FAM83F: variants seen among roughly 807,000 people sequenced by gnomAD.
FAM83F encodes the protein protein FAM83F.
Under a neutral mutation model 42.9 loss-of-function variants are expected in FAM83F, and 45 were observed. The observed-to-expected ratio is 1.05, with a 90% CI of 0.83 to 1.35. The LOEUF (loss-of-function observed/expected upper bound fraction) is 1.35, where lower values mean the gene tolerates loss of function less well. Ranked by LOEUF, FAM83F falls within the 40% of genes most tolerant of loss-of-function variation. The pLI is 0.00. For missense variants in FAM83F, 617 were observed against 695.9 expected (o/e 0.89, Z 1.28); for synonymous variants, 306 against 298.3 (o/e 1.03, Z -0.27).
rs57224519 is a variant in FAM83F, at chr22:40,014,131, C to CTTTTTTTTT, written c.490-5028_490-5020dup. ...AATCCTTATGTCTCTTATTTCTTTT[C>CTTTTTTTTT]TTTTTTTTTTTTTTTTTGTCTTATT... On this transcript the variant is annotated intron_variant, in intron 1 of 4. Coordinates refer to ENST00000333407, the MANE Select transcript of FAM83F (RefSeq NM_138435.4). Among the ~76,000 whole-genome samples the CTTTTTTTTT allele has an allele frequency of 4.9e-3, 571 of 116,774 alleles. 1 individual carries two copies. The highest frequency in any genetic ancestry group is 7.8e-3 in the African/African-American group (234 of 29,954). The allele number at this position is 116,774 out of a possible 152,430, so 76.6% of individuals were successfully genotyped here.
intron 1 of FAM83F, among the ~76,000 whole-genome samples, chr22:40,017,391 C>G (rs1229989185): frequency 6.6e-6 from 1 of 152,122 alleles, no homozygotes; most frequent in Non-Finnish European, 1.5e-5. Flanking sequence ...CACCATCATG[C>G]CTGGCTAATG....
At chr22:40,027,256 C>T (rs1024669193) in intron 4 of FAM83F, among the ~76,000 whole-genome samples, 1 of 152,130 alleles carries the variant, frequency 6.6e-6, no homozygotes, top group Non-Finnish European at 1.5e-5. Flanking sequence ...ACAGGGAATG[C>T]GAAGCCCTGG....
intron 4 of FAM83F, among the ~76,000 whole-genome samples, chr22:40,022,320 T>A (rs1355947015): frequency 6.6e-6 from 1 of 152,220 alleles, no homozygotes; most frequent in East Asian, 1.9e-4. Context: ...GCTGAGAAAC[T>A]TTCTCCTTTG....
At chr22:39,996,301 A>C (rs776067248) in intron 1 of FAM83F, among the ~76,000 whole-genome samples, 25 of 152,180 alleles carry the variant, frequency 1.6e-4, no homozygotes, top group Non-Finnish European at 2.9e-5. Flanking sequence ...TTTAATCTTT[A>C]TGCCTTTGGG....
chr22:40,021,753 T>A lies in FAM83F; in HGVS notation c.1243T>A (p.Ser415Thr). Residue 415 changes from serine (S) to threonine (T), a missense_variant, in exon 4 of 5, where the codon TCC becomes ACC. Ser to Thr is a moderately conservative substitution (Grantham distance 58). Transcript: ENST00000333407. The surrounding 1 kb of genome is among the most constrained non-coding windows in gnomAD (Gnocchi z 8.7). ...SHMHRDLKPK[S>T]REAPSRNGMG... ...CATGCACAGAGACCTGAAGCCCAAATCCCGAGAGGCACCCAGCCGAAACGG... is the reference window on the plus strand; with the variant it reads ...CATGCACAGAGACCTGAAGCCCAAAACCCGAGAGGCACCCAGCCGAAACGG... 6.2e-7 allele frequency: 1 copy of A among 1,612,546 alleles called. No individual in the cohort carries two copies. The highest frequency in any genetic ancestry group is 1.3e-5 in the African/African-American group (1 of 74,932).
Position 40,034,418 on chromosome 22 carries a change from T to G in FAM83F, c.*4853T>G, listed in dbSNP as rs1475599409. 1 of 152,344 alleles carries G rather than the reference T, an allele frequency of 6.6e-6. No homozygotes were observed. The highest frequency in any genetic ancestry group is 1.5e-5 in the Non-Finnish European group (1 of 68,136). The allele number at this position is 152,344 out of a possible 1,614,324, so 9.4% of individuals were successfully genotyped here. On this transcript the variant is annotated 3_prime_UTR_variant, in exon 5 of 5. Coordinates refer to ENST00000333407, the MANE Select transcript of FAM83F (RefSeq NM_138435.4). ...GCCGTGAGTATGTTCTGGGGCTAAG[T>G]AACCATGAGATCAGCCCAGAGACCT...
Position 40,034,489 on chromosome 22 carries a change from T to C in FAM83F, c.*4924T>C, listed in dbSNP as rs2067609751. On this transcript the variant is annotated 3_prime_UTR_variant, in exon 5 of 5. Transcript: ENST00000333407. ...GACTTCTCGCCCTTCCCCTTGCAGC[T>C]TCTGCTCTCCCAGCTAGGGACTGAG... 1.3e-5 allele frequency: 2 copies of C among 152,326 alleles called. No individual in the cohort carries two copies. The highest frequency in any genetic ancestry group is 1.3e-4 in the Admixed American group (2 of 15,280). The allele number at this position is 152,326 out of a possible 1,614,324, so 9.4% of individuals were successfully genotyped here.
At position 40,023,150 on chromosome 22, in the gene FAM83F, C is replaced by T. The variant is rs737815; in HGVS notation, c.1453+1187C>T. Among the ~76,000 whole-genome samples the T allele has an allele frequency of 6.6e-6, 1 of 152,124 alleles. No homozygotes were observed. ...GGTCCTGCACAGGCACTCTCTCTCCCCTTCTGCCCCCACAACCACCCTTCA... is the reference window on the plus strand; with the variant it reads ...GGTCCTGCACAGGCACTCTCTCTCCTCTTCTGCCCCCACAACCACCCTTCA... On this transcript the variant is annotated intron_variant, in intron 4 of 4. Coordinates refer to ENST00000333407, the MANE Select transcript of FAM83F (RefSeq NM_138435.4). The surrounding 1 kb of genome is among the most constrained non-coding windows in gnomAD (Gnocchi z 4.1).
intron 4 of FAM83F, among the ~76,000 whole-genome samples, chr22:40,025,059 T>C (rs1488025083): frequency 6.6e-6 from 1 of 152,024 alleles, no homozygotes; most frequent in East Asian, 1.9e-4. Flanking sequence ...TTCTGTGCCC[T>C]CCGCACAGGC....
chr22:40,005,547 G>A (rs943146242), intron 1 of FAM83F, among the ~76,000 whole-genome samples: 2 of 152,240 alleles, frequency 1.3e-5, no homozygotes, highest in Non-Finnish European at 2.9e-5. Context: ...AGCTGGCCTT[G>A]CTCACATGGG....
intron 1 of FAM83F, among the ~76,000 whole-genome samples, chr22:40,015,186 C>T (rs2067486955): frequency 6.6e-6 from 1 of 152,152 alleles, no homozygotes; most frequent in Non-Finnish European, 1.5e-5. Flanking sequence ...ATAGGATAGG[C>T]TGTCAGGCTG....
At chr22:40,011,091 C>G (rs945320099) in intron 1 of FAM83F, among the ~76,000 whole-genome samples, 2 of 152,228 alleles carry the variant, frequency 1.3e-5, no homozygotes, top group African/African-American at 4.8e-5. Context: ...CCACTCCTTT[C>G]TCCTTCCACA....
chr22:40,024,834 A>G (rs1208969444), intron 4 of FAM83F, among the ~76,000 whole-genome samples: 2 of 152,204 alleles, frequency 1.3e-5, no homozygotes. Flanking sequence ...TAGTTGTCAA[A>G]CAGCATGCAA....
chr22:40,031,623 A>T lies in FAM83F; in HGVS notation c.*2058A>T, dbSNP rs2067588271. ...TCTGCCTCAGTTTCTCCATGTGCCA[A>T]GATGGCGTTTTTCACACTTTCTTGG... On this transcript the variant is annotated 3_prime_UTR_variant, in exon 5 of 5. Coordinates refer to ENST00000333407, the MANE Select transcript of FAM83F (RefSeq NM_138435.4). The T allele has an allele frequency of 6.6e-6, 1 of 152,298 alleles. No homozygotes were observed. The highest frequency in any genetic ancestry group is 2.4e-5 in the African/African-American group (1 of 41,480). 9.4% of individuals were successfully genotyped at this position (152,298 alleles called of 1,614,324 possible). A position where few individuals can be genotyped will look rare whatever the true frequency, so the allele number is the denominator to read the frequency against.
At chr22:40,013,191 G>C (rs1044898743) in intron 1 of FAM83F, among the ~76,000 whole-genome samples, 1 of 149,890 alleles carries the variant, frequency 6.7e-6, no homozygotes, top group African/African-American at 2.5e-5. Flanking sequence ...CTTACCCCGT[G>C]TCATGAAGAT....
At chr22:39,998,324 T>G (rs916235104) in intron 1 of FAM83F, among the ~76,000 whole-genome samples, 5 of 152,224 alleles carry the variant, frequency 3.3e-5, no homozygotes, top group African/African-American at 1.2e-4. Context: ...TTTTGCATTT[T>G]ATTTCATTTA....
At position 40,037,710 on chromosome 22, in the gene FAM83F, G is replaced by A. The variant is rs916401578; in HGVS notation, c.*8145G>A. The A allele has an allele frequency of 1.3e-5, 2 of 152,232 alleles. No homozygotes were observed. The highest frequency in any genetic ancestry group is 2.9e-5 in the Non-Finnish European group (2 of 68,058). The allele number at this position is 152,232 out of a possible 1,614,324, so 9.4% of individuals were successfully genotyped here. Reference sequence around the variant, plus strand: ...AGCCCTGTGCTGAGATGCCTGCAGAGCCCAGAGTTTTCACCAACTTTTTTT... The same window carrying A: ...AGCCCTGTGCTGAGATGCCTGCAGAACCCAGAGTTTTCACCAACTTTTTTT... On this transcript the variant is annotated 3_prime_UTR_variant, in exon 5 of 5. Coordinates refer to ENST00000333407, the MANE Select transcript of FAM83F (RefSeq NM_138435.4).
At chr22:40,014,969 A>G (rs2067485912) in intron 1 of FAM83F, among the ~76,000 whole-genome samples, 1 of 152,218 alleles carries the variant, frequency 6.6e-6, no homozygotes, top group Non-Finnish European at 1.5e-5. Flanking sequence ...TACCTAAAGC[A>G]CAGGAAACAG....
intron 1 of FAM83F, among the ~76,000 whole-genome samples, chr22:40,007,753 A>G (rs1397120200): frequency 6.7e-6 from 1 of 149,908 alleles, no homozygotes; most frequent in East Asian, 2.0e-4. Context: ...TCCCCAGGGT[A>G]TGTACATGGG....
Sources: gnomAD v4.1 joint callset for allele counts (sites outside exome capture counted in the v4.1 genomes callset) on GRCh38, gnomAD v4.1.1 for gene constraint, Gnocchi (gnomAD v3.1) non-coding constraint, MANE v1.5 for transcripts, NCBI Gene and HGNC (gene_info 2026-07-23, HGNC 2026-07-21) for gene names.